PRPF40B: variants seen among roughly 807,000 people sequenced by gnomAD.
PRPF40B encodes pre-mRNA-processing factor 40 homolog B.
A neutral mutation model predicts 124.5 loss-of-function variants in PRPF40B; 56 were observed. The ratio of observed to expected loss-of-function variants is 0.45; its 90% CI spans 0.36 to 0.56. The LOEUF is 0.56. Among genes scored for constraint, PRPF40B ranks in the 20% least tolerant of loss-of-function variants. The pLI, the probability that PRPF40B is intolerant of heterozygous loss-of-function variation, is 0.00. For missense variants in PRPF40B, 1,053 were observed against 1,169.5 expected (o/e 0.90, Z 1.45); for synonymous variants, 443 against 426.4 (o/e 1.04, Z -0.48).
chr12:49,642,845 AG>A lies in PRPF40B; in HGVS notation c.2119-83del. 1 of 1,485,468 alleles carries A rather than the reference AG, an allele frequency of 6.7e-7. No homozygotes were observed. 92.0% of individuals were successfully genotyped at this position (1,485,468 alleles called of 1,614,324 possible). ...CAGAAGGCTCTAGTCTGAGAAAGGG[AG>A]GCAAAGCCAGATTTTAGGAAGTAGG... On this transcript the variant is annotated intron_variant, in intron 21 of 25. Transcript: ENST00000548825. The surrounding 1 kb of genome is among the most constrained non-coding windows in gnomAD (Gnocchi z 5.8).
In PRPF40B at chr12:49,635,461, C is replaced by G; in HGVS notation, c.1263C>G (p.Ala421=). The change falls in exon 14 of 26, where the codon GCC becomes GCG. Residue 421 remains alanine, a synonymous_variant. Coordinates refer to ENST00000548825, the MANE Select transcript of PRPF40B (RefSeq NM_001031698.3). This position sits in a 1 kb window ranked among gnomAD's most constrained non-coding sequence, Gnocchi z 4.1. The part of the protein sequence containing the change: ...EVYDDVLFFL[A]KKEKEQAKQL... ...ATGATGATGTCCTCTTCTTCCTGGC[C>G]AAGAAGGAGAAGGTAATGGTCCCTG... 1 of 1,613,264 alleles carries G rather than the reference C, an allele frequency of 6.2e-7. No homozygotes were observed.
chr12:49,632,056 C>T, intron 4 of PRPF40B, 131 bp downstream of exon 4: 1 of 888,298 alleles, frequency 1.1e-6, no homozygotes, highest in Non-Finnish European at 1.9e-6. Context: ...GCAGCACTCC[C>T]CACACTCAAA....
rs1942846119 is a variant in PRPF40B at position 49,642,755 on chromosome 12, C to T, written c.2118+80C>T. Reference sequence around the variant, plus strand: ...GTTCAACAGAGACCTCAGTGGCCTCCCTCTTACCCTTAGGGCACTCCTGGC... The same window carrying T: ...GTTCAACAGAGACCTCAGTGGCCTCTCTCTTACCCTTAGGGCACTCCTGGC... On this transcript the variant is annotated intron_variant, in intron 21 of 25. Coordinates refer to ENST00000548825, the MANE Select transcript of PRPF40B (RefSeq NM_001031698.3). The surrounding 1 kb of genome is among the most constrained non-coding windows in gnomAD (Gnocchi z 5.8). 1 of 1,499,096 alleles carries T rather than the reference C, an allele frequency of 6.7e-7. No individual in the cohort carries two copies. Among genetic ancestry groups the T allele is most frequent in the Non-Finnish European group, 9.1e-7 (1 of 1,096,608 alleles). 92.9% of individuals were successfully genotyped at this position (1,499,096 alleles called of 1,614,324 possible).
At chr12:49,643,432 C>T in intron 23 of PRPF40B, 35 bp downstream of exon 23, 2 of 1,529,034 alleles carry the variant, frequency 1.3e-6, no homozygotes, top group Non-Finnish European at 8.8e-7. Flanking sequence ...AGCTGGAGAA[C>T]TGTTGTCCCA....
Position 49,642,243 on chromosome 12 carries a change from G to C in PRPF40B, c.1893G>C (p.Glu631Asp). 1 of 1,614,204 alleles carries C rather than the reference G, an allele frequency of 6.2e-7. No individual in the cohort carries two copies. The highest frequency in any genetic ancestry group is 2.2e-5 in the East Asian group (1 of 44,884). ...GTCCCTTCTTTCCTCAGCTGCTGGA[G>C]AAAGCAGAGGCACGGGAGAGGGAGC... ...NIKLTFNSLL[E>D]KAEARERERE... The change falls in exon 20 of 26, where the codon GAG becomes GAC. Residue 631 changes from glutamate to aspartate, a missense_variant. Physicochemically the swap from Glu to Asp is conservative, Grantham distance 45 (BLOSUM62 2). Around this residue, in one of 2 missense-constraint regions of PRPF40B, gnomAD observed 895 missense variants for 1,052.2 expected, o/e 0.85. Transcript: ENST00000548825. This position sits in a 1 kb window ranked among gnomAD's most constrained non-coding sequence, Gnocchi z 5.8.
In PRPF40B at chr12:49,644,513, C is replaced by G. The variant is rs1020628535; in HGVS notation, c.*321C>G. On this transcript the variant is annotated 3_prime_UTR_variant, in exon 26 of 26. Coordinates refer to ENST00000548825, the MANE Select transcript of PRPF40B (RefSeq NM_001031698.3). ...AAGAGTCACAGGCTGTTGGACGCAG[C>G]CTGGGTGGCAGAGGGCAGGGTCATC... is the stretch of plus-strand genomic sequence containing the variant. 3 of 362,920 alleles carry G rather than the reference C, an allele frequency of 8.3e-6. No homozygotes were observed. Among genetic ancestry groups the G allele is most frequent in the Middle Eastern group, 3.9e-4 (1 of 2,596 alleles). The allele number at this position is 362,920 out of a possible 1,614,324, so 22.5% of individuals were successfully genotyped here. A position where few individuals can be genotyped will look rare whatever the true frequency, so the allele number is the denominator to read the frequency against.
Position 49,643,757 on chromosome 12 carries a change from G to A in PRPF40B, c.2442+5G>A. ...AAGAAGAGAAGACACAAGTCGGTGA[G>A]TGAAGGAACTTCTACCTAAGCCCCT... is the stretch of plus-strand genomic sequence containing the variant. On this transcript the variant is annotated splice_donor_5th_base_variant and intron_variant, in intron 24 of 25. Coordinates refer to ENST00000548825, the MANE Select transcript of PRPF40B (RefSeq NM_001031698.3). 6.2e-7 allele frequency: 1 copy of A among 1,613,998 alleles called. No homozygotes were observed. Among genetic ancestry groups the A allele is most frequent in the Non-Finnish European group, 8.5e-7 (1 of 1,179,984 alleles).
chr12:49,643,085 C>T, intron 22 of PRPF40B, 69 bp downstream of exon 22: 1 of 1,593,924 alleles, frequency 6.3e-7, no homozygotes, highest in Non-Finnish European at 8.6e-7. Context: ...ACTTTGTTTT[C>T]CCCTTACAAT....
Position 49,642,059 on chromosome 12 carries a change from A to G in PRPF40B, c.1884+35A>G, listed in dbSNP as rs778731129. On this transcript the variant is annotated intron_variant, in intron 19 of 25. Coordinates refer to ENST00000548825, the MANE Select transcript of PRPF40B (RefSeq NM_001031698.3). This position sits in a 1 kb window ranked among gnomAD's most constrained non-coding sequence, Gnocchi z 5.8. ...TGGGCGGGGCGTGGGAAGTTCTCTA[A>G]TTCATCTGTGTCTTGCTCCATTCCT... The G allele has an allele frequency of 1.9e-6, 3 of 1,607,528 alleles. No homozygotes were observed. The highest frequency in any genetic ancestry group is 1.7e-6 in the Non-Finnish European group (2 of 1,177,022).
In PRPF40B at chr12:49,631,517, A is replaced by G; in HGVS notation, c.201A>G (p.Pro67=). 2 of 1,544,356 alleles carry G rather than the reference A, an allele frequency of 1.3e-6. No homozygotes were observed. Among genetic ancestry groups the G allele is most frequent in the South Asian group, 1.3e-5 (1 of 78,992 alleles). ...GCATCCTGCCCCCAATGCTTCCACC[A>G]ATGGGGGCGCCACCACCACTCACAC... ...PPGILPPMLP[P]MGAPPPLTQI... The change falls in exon 3 of 26, where the codon CCA becomes CCG. Residue 67 remains proline (P), a synonymous_variant. Transcript: ENST00000548825. This position sits in a 1 kb window ranked among gnomAD's most constrained non-coding sequence, Gnocchi z 4.3.
chr12:49,636,514 T>C, intron 15 of PRPF40B: 2 of 565,154 alleles, frequency 3.5e-6, no homozygotes, highest in Non-Finnish European at 6.2e-6. Context: ...ACTTGCTTAT[T>C]TATTCTTATA....
rs748578570 is a variant in PRPF40B, at chr12:49,633,007, C to CA, written c.349-6dup. 3.0e-5 allele frequency: 33 copies of CA among 1,082,386 alleles called. No homozygotes were observed. Among genetic ancestry groups the CA allele is most frequent in the Non-Finnish European group, 3.7e-5 (28 of 747,230 alleles). The allele number at this position is 1,082,386 out of a possible 1,614,324, so 67.0% of individuals were successfully genotyped here. On this transcript the variant is annotated splice_polypyrimidine_tract_variant and splice_region_variant and intron_variant, in intron 6 of 25. Coordinates refer to ENST00000548825, the MANE Select transcript of PRPF40B (RefSeq NM_001031698.3). ...GACCACCATTCTGTGCCCCCCCCCC[C>CA]ACCCAGAGGGCCCTATGGAGTGAGC...
upstream of PRPF40B, chr12:49,623,538 C>G: frequency 8.0e-7 from 1 of 1,244,808 alleles, no homozygotes; most frequent in South Asian, 3.4e-5. Context: ...CCAATCAGAG[C>G]GGCTCTTACT....
intron 24 of PRPF40B, 21 bp downstream of exon 24, chr12:49,643,773 C>G (rs1414110391): frequency 6.2e-7 from 1 of 1,613,772 alleles, no homozygotes; most frequent in Non-Finnish European, 8.5e-7. Context: ...GAACTTCTAC[C>G]TAAGCCCCTG....
At chr12:49,632,028 C>T (rs1941274303) in intron 4 of PRPF40B, 103 bp downstream of exon 4, 3 of 1,187,256 alleles carry the variant, frequency 2.5e-6, no homozygotes, top group Non-Finnish European at 2.5e-6. Flanking sequence ...CTTCTCATCG[C>T]ATCCACCCAG....
chr12:49,641,574 A>G (rs1942657206), intron 18 of PRPF40B: 1 of 314,570 alleles, frequency 3.2e-6, no homozygotes, highest in East Asian at 6.6e-5. Flanking sequence ...GAATGCATGG[A>G]AGCACTGCTG....
Position 49,643,746 on chromosome 12 carries a change from C to G in PRPF40B, c.2436C>G (p.His812Gln), listed in dbSNP as rs116569197. 12 of 1,614,162 alleles carry G rather than the reference C, an allele frequency of 7.4e-6. No homozygotes were observed. In the East Asian group the frequency reaches 2.2e-4, roughly 30 times the overall value. The change falls in exon 24 of 26, where the codon CAC becomes CAG. Residue 812 changes from histidine (H) to glutamine (Q), a missense_variant. By Grantham distance (24) the His-to-Gln change is conservative. Around this residue, in one of 2 missense-constraint regions of PRPF40B, gnomAD observed 895 missense variants for 1,052.2 expected, o/e 0.85. Coordinates refer to ENST00000548825, the MANE Select transcript of PRPF40B (RefSeq NM_001031698.3). ...KPKKKTKKRR[H>Q]KSNSPESETD... ...AAAAGAAAACTAAGAAGAGAAGACA[C>G]AAGTCGGTGAGTGAAGGAACTTCTA...
Position 49,633,006 on chromosome 12 carries a change from C to A in PRPF40B, c.349-8C>A, listed in dbSNP as rs539537432. On this transcript the variant is annotated splice_region_variant and splice_polypyrimidine_tract_variant and intron_variant, in intron 6 of 25. Transcript: ENST00000548825. ...TGACCACCATTCTGTGCCCCCCCCC[C>A]CACCCAGAGGGCCCTATGGAGTGAG... The A allele has an allele frequency of 1.3e-5, 12 of 896,636 alleles. No individual in the cohort carries two copies. Among genetic ancestry groups the A allele is most frequent in the East Asian group, 1.3e-4 (3 of 23,460 alleles). 55.5% of individuals were successfully genotyped at this position (896,636 alleles called of 1,614,324 possible).
chr12:49,634,243 A>C, intron 10 of PRPF40B, 89 bp from the exon 11 acceptor site: 1 of 1,602,802 alleles, frequency 6.2e-7, no homozygotes, highest in Non-Finnish European at 8.5e-7. Flanking sequence ...CTGGGGAACA[A>C]GGAGGGGGTG....
Sources: allele counts gnomAD v4.1 joint callset, GRCh38; gene constraint gnomAD v4.1.1; regional missense constraint gnomAD v4.1.1; non-coding constraint Gnocchi (gnomAD v3.1); transcripts MANE v1.5; gene names NCBI Gene and HGNC (gene_info 2026-07-23, HGNC 2026-07-21).